The following TMEM74 variants were observed in gnomAD, a reference collection of about 807,000 sequenced individuals.
TMEM74 encodes transmembrane protein 74.
TMEM74 carries 13 observed loss-of-function variants against 18.1 expected under a neutral mutation model. The observed-to-expected ratio is 0.72, with a 90% CI of 0.47 to 1.14. The LOEUF is 1.14. Among genes scored for constraint, TMEM74 ranks in the 50% most tolerant of loss-of-function variants. TMEM74 has a pLI of 0.00. For missense variants in TMEM74, 372 were observed against 375.9 expected (o/e 0.99, Z 0.09); for synonymous variants, 159 against 146.6 (o/e 1.08, Z -0.61).
chr8:108,683,732 A>T (rs1375253687), intron 1 of TMEM74, among the ~76,000 whole-genome samples: 1 of 152,052 alleles, frequency 6.6e-6, no homozygotes, highest in East Asian at 1.9e-4. Flanking sequence ...CTCATTTATT[A>T]TGATTAAACA....
chr8:108,706,616 A>G (rs1300429963), intron 1 of TMEM74, among the ~76,000 whole-genome samples: 1 of 152,222 alleles, frequency 6.6e-6, no homozygotes, highest in Non-Finnish European at 1.5e-5. Context: ...ATCTCTCTAT[A>G]TAATTATCCT....
chr8:108,675,476 A>G (rs927983931), intron 1 of TMEM74, among the ~76,000 whole-genome samples: 1 of 152,166 alleles, frequency 6.6e-6, no homozygotes, highest in African/African-American at 2.4e-5. Flanking sequence ...CTTAACTGCC[A>G]TCTATGTCCA....
In TMEM74 at chr8:108,629,086, G is replaced by C. The variant is rs183212392; in HGVS notation, n.265-20260C>G. On this transcript the variant is annotated intron_variant and non_coding_transcript_variant, in intron 2 of 3. Transcript: ENST00000518838. ...AAAATTTTTTCCCATTCTGTAGATT[G>C]CCTGTCCATTCTGATGTGCTAACTA... Among the ~76,000 whole-genome samples, 312 of 151,966 alleles carry C rather than the reference G, an allele frequency of 2.1e-3. 1 individual carries two copies. The highest frequency in any genetic ancestry group is 7.1e-3 in the African/African-American group (294 of 41,500).
intron 1 of TMEM74, among the ~76,000 whole-genome samples, chr8:108,670,958 GAGA>G (rs891014557): frequency 2.6e-5 from 4 of 152,138 alleles, no homozygotes; most frequent in Non-Finnish European, 5.9e-5. Flanking sequence ...AGGCACACTA[GAGA>G]AGAAGTTGAG....
At chr8:108,668,667 T>C (rs1367706704) in intron 1 of TMEM74, among the ~76,000 whole-genome samples, 2 of 152,198 alleles carry the variant, frequency 1.3e-5, no homozygotes, top group African/African-American at 4.8e-5. Flanking sequence ...AACCAGTTTT[T>C]CTGACTTTCA....
chr8:108,710,687 G>A (rs993914396), intron 1 of TMEM74, among the ~76,000 whole-genome samples: 23 of 152,224 alleles, frequency 1.5e-4, no homozygotes, highest in Admixed American at 1.1e-3. Flanking sequence ...ACAGCTGCAC[G>A]GTTGGCTCTC....
intron 1 of TMEM74, among the ~76,000 whole-genome samples, chr8:108,768,900 G>T (rs1401708869): frequency 6.6e-6 from 1 of 152,090 alleles, no homozygotes; most frequent in Non-Finnish European, 1.5e-5. Flanking sequence ...ATTTCCCATG[G>T]ACCCTTTGAC....
At chr8:108,688,300 T>C (rs1813192084) in intron 1 of TMEM74, among the ~76,000 whole-genome samples, 1 of 152,220 alleles carries the variant, frequency 6.6e-6, no homozygotes, top group African/African-American at 2.4e-5. Flanking sequence ...AATATCCTTA[T>C]TTTCTTCCAC....
chr8:108,690,682 C>T (rs111330304), intron 1 of TMEM74, among the ~76,000 whole-genome samples: 4,459 of 152,078 alleles, frequency 0.029, 123 homozygotes, highest in African/African-American at 0.066. Context: ...ATTAGCCGGG[C>T]ATGGTGGCAG....
intron 1 of TMEM74, among the ~76,000 whole-genome samples, chr8:108,702,650 A>C (rs1283802886): frequency 6.6e-6 from 1 of 152,032 alleles, no homozygotes; most frequent in East Asian, 1.9e-4. Context: ...TGTGCACAAC[A>C]TGCATGTTTG....
chr8:108,634,434 T>C (rs147946867), intron 2 of TMEM74, among the ~76,000 whole-genome samples: 1 of 151,986 alleles, frequency 6.6e-6, no homozygotes, highest in Non-Finnish European at 1.5e-5. Context: ...CTCCCAACAC[T>C]GTACATTAGC....
intron 1 of TMEM74, among the ~76,000 whole-genome samples, chr8:108,706,776 G>GGTAT (rs1554574026): frequency 6.9e-6 from 1 of 144,870 alleles, no homozygotes; most frequent in African/African-American, 2.6e-5. Flanking sequence ...AATTACAAGG[G>GGTAT]GTGTGTGTGT....
intron 1 of TMEM74, among the ~76,000 whole-genome samples, chr8:108,671,370 CCAAGGTTAGAAGG>C (rs1354240401): frequency 1.2e-4 from 18 of 152,254 alleles, no homozygotes; most frequent in African/African-American, 4.3e-4. Context: ...CACCCTCTTG[CCAAGGTTAGAAGG>C]CCCCCTGGGG....
intron 1 of TMEM74, among the ~76,000 whole-genome samples, chr8:108,658,122 A>G (rs1812864288): frequency 6.6e-6 from 1 of 151,610 alleles, no homozygotes; most frequent in African/African-American, 2.4e-5. Flanking sequence ...CATACAAATT[A>G]TGAGCTTAAG....
chr8:108,720,992 C>T (rs1361065794), intron 1 of TMEM74, among the ~76,000 whole-genome samples: 2 of 152,106 alleles, frequency 1.3e-5, no homozygotes, highest in Non-Finnish European at 2.9e-5. Flanking sequence ...TGTTTTCAAA[C>T]TCCTGATTTC....
chr8:108,627,129 C>T (rs1377667570), intron 2 of TMEM74, among the ~76,000 whole-genome samples: 1 of 151,984 alleles, frequency 6.6e-6, no homozygotes, highest in Non-Finnish European at 1.5e-5. Context: ...CATTTTCTTT[C>T]TCCGTTATTA....
At chr8:108,619,861 C>A (rs935187364) in intron 2 of TMEM74, among the ~76,000 whole-genome samples, 1 of 152,144 alleles carries the variant, frequency 6.6e-6, no homozygotes, top group African/African-American at 2.4e-5. Flanking sequence ...AATGTATGAA[C>A]CACATAACTC....
intron 1 of TMEM74, among the ~76,000 whole-genome samples, chr8:108,716,888 C>T (rs3019352): frequency 0.36 from 54,766 of 151,218 alleles, 10,350 homozygotes; most frequent in East Asian, 0.6. Context: ...AGAGGGAACA[C>T]TGAAATATTT....
In TMEM74 at chr8:108,781,322, T is replaced by C. The variant is rs1814304741; in HGVS notation, c.*2859A>G. On this transcript the variant is annotated 3_prime_UTR_variant, in exon 2 of 2. Transcript: ENST00000297459. Reference sequence around the variant, plus strand: ...ATAGGTATTGTATGCCCAATGTCTATAGAATGCATCACCTGGTCTTGCCAA... The same window carrying C: ...ATAGGTATTGTATGCCCAATGTCTACAGAATGCATCACCTGGTCTTGCCAA... 6.6e-6 allele frequency among the ~76,000 whole-genome samples: 1 copy of C among 152,314 alleles called. No homozygotes were observed. The highest frequency in any genetic ancestry group is 1.9e-4 in the East Asian group (1 of 5,180).
Sources: allele counts gnomAD v4.1 joint callset (sites outside exome capture counted in the v4.1 genomes callset), GRCh38; gene constraint gnomAD v4.1.1; transcripts MANE v1.5; gene names NCBI Gene and HGNC (gene_info 2026-07-23, HGNC 2026-07-21).